DNAI4: variants seen among roughly 807,000 people sequenced by gnomAD.
DNAI4 encodes dynein axonemal intermediate chain 4.
Under a neutral mutation model 105.8 loss-of-function variants are expected in DNAI4, and 85 were observed. The ratio of observed to expected loss-of-function variants is 0.80; its 90% CI spans 0.67 to 0.96. DNAI4 has a LOEUF of 0.96. Ranked by LOEUF, DNAI4 falls within the 40% of genes least tolerant of loss-of-function variation. DNAI4 has a pLI of 0.00. For synonymous variants in DNAI4, 352 were observed against 331.5 expected, an observed-to-expected ratio of 1.06 and a Z score of -0.67; for missense variants, 1,014 against 1,005.6, an observed-to-expected ratio of 1.01 and a Z score of -0.11.
chr1:66,871,298 CT>C lies in DNAI4; in HGVS notation c.940+71del, dbSNP rs752322322. Reference sequence around the variant, plus strand: ...TTTGCTTTATACATTTCAATATTCACTTGTCGATTGACAGACTCAAAAAATG... The same window carrying C: ...TTTGCTTTATACATTTCAATATTCACTGTCGATTGACAGACTCAAAAAATG... On this transcript the variant is annotated intron_variant, in intron 6 of 16. Transcript: ENST00000371026. 67 of 1,368,834 alleles carry C rather than the reference CT, an allele frequency of 4.9e-5. No individual in the cohort carries two copies. In the East Asian group the frequency reaches 9.9e-4, roughly 20 times the overall value. 84.8% of individuals were successfully genotyped at this position (1,368,834 alleles called of 1,614,324 possible).
intron 3 of DNAI4, among the ~76,000 whole-genome samples, 160 bp downstream of exon 3, chr1:66,893,069 G>GAAAGAAAGAAAGAA (rs1647930314): frequency 1.7e-5 from 2 of 119,224 alleles, no homozygotes; most frequent in South Asian, 2.5e-4. Context: ...GAGAGAGAAA[G>GAAAGAAAGAAAGAA]AAAGAAAGAA....
intron 15 of DNAI4, among the ~76,000 whole-genome samples, chr1:66,826,441 G>T (rs967030340): frequency 2.0e-5 from 3 of 152,010 alleles, no homozygotes; most frequent in Admixed American, 1.3e-4. Context: ...TGGAACTACA[G>T]GTGCATGCCA....
chr1:66,834,636 T>G (rs538776377), intron 11 of DNAI4, among the ~76,000 whole-genome samples: 2 of 152,244 alleles, frequency 1.3e-5, no homozygotes, highest in African/African-American at 4.8e-5. Flanking sequence ...TGCCCATTGG[T>G]TTGACTCTCT....
intron 16 of DNAI4, among the ~76,000 whole-genome samples, chr1:66,818,891 C>A (rs1042341436): frequency 1.3e-5 from 2 of 151,862 alleles, no homozygotes; most frequent in African/African-American, 2.4e-5. Flanking sequence ...CCAGCCTGGG[C>A]GACAAGAGTG....
intron 7 of DNAI4, among the ~76,000 whole-genome samples, chr1:66,848,897 C>T (rs1217899686): frequency 2.6e-5 from 4 of 152,162 alleles, no homozygotes; most frequent in South Asian, 2.1e-4. Flanking sequence ...ACCCATGTGA[C>T]GAAGGCCTAG....
At chr1:66,815,108 T>G (rs1645489725) in intron 16 of DNAI4, among the ~76,000 whole-genome samples, 1 of 152,224 alleles carries the variant, frequency 6.6e-6, no homozygotes, top group Non-Finnish European at 1.5e-5. Flanking sequence ...TAGCCTGTAC[T>G]ATGCTATCTT....
In DNAI4 at chr1:66,814,180, C is replaced by T. The variant is rs777627676; in HGVS notation, c.2497G>A (p.Gly833Arg). 16 of 1,583,082 alleles carry T rather than the reference C, an allele frequency of 1.0e-5. No homozygotes were observed. In the African/African-American group the frequency reaches 2.2e-4, roughly 22 times the overall value. Reference sequence around the variant, plus strand: ...CCAAGCAAAGTATCCATTATATCTCCCTGAAAAAAAAAAGTCACACAATTA... The same window carrying T: ...CCAAGCAAAGTATCCATTATATCTCTCTGAAAAAAAAAAGTCACACAATTA... ...NMPTVLETGR[G>R]DIMDTLLGSK... The change falls in exon 17 of 17, where the codon GGA becomes AGA. Residue 833 changes from glycine (G) to arginine (R), a missense_variant and splice_region_variant. Coordinates refer to ENST00000371026, the MANE Select transcript of DNAI4 (RefSeq NM_024763.5).
Position 66,813,869 on chromosome 1 carries a change from G to A in DNAI4, c.*261C>T. 1 of 334,828 alleles carries A rather than the reference G, an allele frequency of 3.0e-6. No homozygotes were observed. Among genetic ancestry groups the A allele is most frequent in the South Asian group, 6.7e-5 (1 of 14,904 alleles). 20.7% of individuals were successfully genotyped at this position (334,828 alleles called of 1,614,324 possible). A position where few individuals can be genotyped will look rare whatever the true frequency, so the allele number is the denominator to read the frequency against. ...TATAAGAATGTACATGTACTCATAT[G>A]TACTTAGAATATGATCAAGAGAGTA... On this transcript the variant is annotated 3_prime_UTR_variant, in exon 17 of 17. Transcript: ENST00000371026.
chr1:66,891,160 A>G lies in DNAI4; in HGVS notation c.637T>C (p.Phe213Leu). The change falls in exon 4 of 17, where the codon TTC becomes CTC. Residue 213 changes from phenylalanine to leucine, a missense_variant. By Grantham distance (22) the Phe-to-Leu change is conservative. Coordinates refer to ENST00000371026, the MANE Select transcript of DNAI4 (RefSeq NM_024763.5). The part of the protein sequence containing the change: ...PSYKRERLTS[F>L]TDLQVIRAAP... ...ACAAGTATATTTTCATTACCTGTGA[A>G]ACTAGTCAATCTTTCCCGTTTATAG... 1 of 1,607,018 alleles carries G rather than the reference A, an allele frequency of 6.2e-7. No homozygotes were observed. Among genetic ancestry groups the G allele is most frequent in the Non-Finnish European group, 8.5e-7 (1 of 1,173,710 alleles).
intron 1 of DNAI4, chr1:66,919,177 C>A: frequency 2.4e-6 from 1 of 411,146 alleles, no homozygotes. Context: ...CCAGTACTTC[C>A]TGGGGCTGTA....
intron 4 of DNAI4, among the ~76,000 whole-genome samples, chr1:66,881,904 T>C (rs1173672846): frequency 6.6e-6 from 1 of 152,220 alleles, no homozygotes; most frequent in East Asian, 1.9e-4. Context: ...GATTGACTTA[T>C]GGGAGCAGTT....
chr1:66,897,136 C>CA (rs761563404), intron 2 of DNAI4, among the ~76,000 whole-genome samples: 9 of 152,160 alleles, frequency 5.9e-5, no homozygotes, highest in Non-Finnish European at 1.2e-4. Context: ...GATGAGGTCT[C>CA]AGACAGAAAT....
chr1:66,908,460 C>T (rs1447101606), intron 1 of DNAI4, among the ~76,000 whole-genome samples: 3 of 152,190 alleles, frequency 2.0e-5, no homozygotes, highest in Non-Finnish European at 2.9e-5. Context: ...CTCCTGTGCC[C>T]CAGAACCTAC....
At chr1:66,839,493 G>A (rs1047808839) in intron 9 of DNAI4, among the ~76,000 whole-genome samples, 4 of 152,022 alleles carry the variant, frequency 2.6e-5, no homozygotes, top group Non-Finnish European at 5.9e-5. Context: ...ATAAGGTGTG[G>A]CAATAAAATA....
At chr1:66,816,262 T>G (rs895043039) in intron 16 of DNAI4, among the ~76,000 whole-genome samples, 1 of 152,198 alleles carries the variant, frequency 6.6e-6, no homozygotes. Context: ...TTCCTTTGTA[T>G]ACCTCCTAAT....
intron 4 of DNAI4, among the ~76,000 whole-genome samples, chr1:66,876,462 C>A (rs1269017432): frequency 6.6e-6 from 1 of 152,088 alleles, no homozygotes; most frequent in South Asian, 2.1e-4. Context: ...TATATAGAAC[C>A]TAATATGGTA....
In DNAI4 at chr1:66,837,651, T is replaced by C. The variant is rs762490271; in HGVS notation, c.1581+59A>G. 18 of 1,495,572 alleles carry C rather than the reference T, an allele frequency of 1.2e-5. No homozygotes were observed. The East Asian group carries it at 4.1e-4, about 34-fold the overall frequency. 92.6% of individuals were successfully genotyped at this position (1,495,572 alleles called of 1,614,324 possible). Reference sequence around the variant, plus strand: ...TTTAATTATTACATGTAATTATATATTTTATGAGAATTTTGTCAACAGCCA... The same window carrying C: ...TTTAATTATTACATGTAATTATATACTTTATGAGAATTTTGTCAACAGCCA... On this transcript the variant is annotated intron_variant, in intron 10 of 16. Transcript: ENST00000371026.
chr1:66,848,797 A>G (rs1646332803), intron 7 of DNAI4, among the ~76,000 whole-genome samples: 1 of 152,198 alleles, frequency 6.6e-6, no homozygotes, highest in African/African-American at 2.4e-5. Context: ...CTTTAGCCAA[A>G]TGACCAGGAA....
intron 9 of DNAI4, among the ~76,000 whole-genome samples, chr1:66,838,091 G>A (rs1299237232): frequency 6.6e-6 from 1 of 152,072 alleles, no homozygotes; most frequent in East Asian, 1.9e-4. Flanking sequence ...TGTATTAATA[G>A]GTTATAATAT....
Sources: allele counts gnomAD v4.1 joint callset (sites outside exome capture counted in the v4.1 genomes callset), GRCh38; gene constraint gnomAD v4.1.1; transcripts MANE v1.5; gene names NCBI Gene and HGNC (gene_info 2026-07-23, HGNC 2026-07-21).